The following SHTN1 variants were observed in gnomAD, a reference collection of about 807,000 sequenced individuals.
SHTN1 encodes the protein shootin-1.
Under a neutral mutation model 83.1 loss-of-function variants are expected in SHTN1, and 42 were observed. The ratio of observed to expected loss-of-function variants is 0.51; its 90% CI spans 0.39 to 0.65. The LOEUF is 0.65. Among genes scored for constraint, SHTN1 ranks in the 30% least tolerant of loss-of-function variants. The probability of loss-of-function intolerance (pLI) is 0.00; values close to 1 mark genes in which losing one functional copy is unlikely to be tolerated. For missense variants in SHTN1, 622 were observed against 737.8 expected, an observed-to-expected ratio of 0.84 and a Z score of 1.82; for synonymous variants, 224 against 247.7, an observed-to-expected ratio of 0.90 and a Z score of 0.90.
intron 7 of SHTN1, among the ~76,000 whole-genome samples, chr10:116,948,174 G>A (rs1308928548): frequency 6.6e-6 from 1 of 152,126 alleles, no homozygotes; most frequent in Non-Finnish European, 1.5e-5. Context: ...GTCTTAAACT[G>A]GGAGATACAT....
chr10:117,021,396 T>G (rs766023858), intron 2 of SHTN1, among the ~76,000 whole-genome samples: 1 of 152,106 alleles, frequency 6.6e-6, no homozygotes, highest in Non-Finnish European at 1.5e-5. Context: ...AAAGTGAGAC[T>G]TCATCTCGAA....
intron 1 of SHTN1, among the ~76,000 whole-genome samples, chr10:117,065,388 T>C (rs1852961701): frequency 6.6e-6 from 1 of 152,000 alleles, no homozygotes; most frequent in Non-Finnish European, 1.5e-5. Flanking sequence ...CACATCTCCC[T>C]AAGAAAAGAA....
chr10:116,922,168 C>A (rs1312012501), intron 11 of SHTN1, among the ~76,000 whole-genome samples: 1 of 151,978 alleles, frequency 6.6e-6, no homozygotes, highest in Non-Finnish European at 1.5e-5. Flanking sequence ...TGGAAGAGAA[C>A]CTTGCAACTC....
chr10:116,946,478 GT>G, intron 7 of SHTN1, among the ~76,000 whole-genome samples: 2 of 139,476 alleles, frequency 1.4e-5, no homozygotes, highest in Non-Finnish European at 3.1e-5. Flanking sequence ...TGTATAAAAT[GT>G]AAATATTTTA....
At chr10:116,987,407 GGATA>G (rs1164529357) in intron 1 of SHTN1, among the ~76,000 whole-genome samples, 2 of 152,110 alleles carry the variant, frequency 1.3e-5, no homozygotes, top group Non-Finnish European at 2.9e-5. Context: ...ATAGGTGAAT[GGATA>G]AATAAACTGT....
At chr10:117,044,409 T>C (rs1012197920) in intron 2 of SHTN1, among the ~76,000 whole-genome samples, 1 of 152,184 alleles carries the variant, frequency 6.6e-6, no homozygotes, top group African/African-American at 2.4e-5. Flanking sequence ...GAAAGCCTTA[T>C]AACTATTGGA....
chr10:116,970,901 CAG>C (rs1850594328), intron 2 of SHTN1, among the ~76,000 whole-genome samples: 2 of 151,760 alleles, frequency 1.3e-5, no homozygotes, highest in African/African-American at 2.4e-5. Context: ...TCTTAGGAAA[CAG>C]GGAGGGGAAT....
chr10:116,956,724 TCAAAAGG>T, intron 4 of SHTN1, among the ~76,000 whole-genome samples: 1 of 152,162 alleles, frequency 6.6e-6, no homozygotes, highest in Admixed American at 6.5e-5. Flanking sequence ...AGTTCTGCCC[TCAAAAGG>T]GTTTAATGCC....
At chr10:116,947,497 G>C in intron 7 of SHTN1, among the ~76,000 whole-genome samples, 1 of 152,204 alleles carries the variant, frequency 6.6e-6, no homozygotes, top group East Asian at 1.9e-4. Context: ...AATAAGTAAA[G>C]CAATAAGAGT....
At chr10:116,942,911 G>A (rs1442042666) in intron 8 of SHTN1, among the ~76,000 whole-genome samples, 4 of 152,168 alleles carry the variant, frequency 2.6e-5, no homozygotes, top group African/African-American at 9.7e-5. Flanking sequence ...GGACTCTGTT[G>A]TTAAACTAAG....
At chr10:117,020,568 GA>G (rs1478280038) in intron 2 of SHTN1, among the ~76,000 whole-genome samples, 3 of 149,464 alleles carry the variant, frequency 2.0e-5, no homozygotes, top group Non-Finnish European at 4.4e-5. Flanking sequence ...ATAATGGGGA[GA>G]AGAAAGTCAT....
At chr10:117,067,859 C>G (rs779345432) in intron 1 of SHTN1, among the ~76,000 whole-genome samples, 16 of 151,970 alleles carry the variant, frequency 1.1e-4, no homozygotes, top group Non-Finnish European at 1.9e-4. Flanking sequence ...ATGGAAATAT[C>G]AACAATAAAC....
intron 15 of SHTN1, among the ~76,000 whole-genome samples, chr10:116,902,786 G>C (rs1406591439): frequency 6.6e-6 from 1 of 152,234 alleles, no homozygotes; most frequent in Non-Finnish European, 1.5e-5. Flanking sequence ...GAAATAAAGT[G>C]AGAGGATAAC....
At position 117,108,840 on chromosome 10, in the gene SHTN1, C is replaced by T. The variant is rs147949621; in HGVS notation, c.-189+17467G>A. Among the ~76,000 whole-genome samples the T allele has an allele frequency of 1.4e-4, 22 of 152,242 alleles. No homozygotes were observed. In the East Asian group the frequency reaches 4.1e-3, roughly 28 times the overall value. ...AACAGAGAGGTGAAAAAAGTTTAGG[C>T]CTTTTATAGACCTGGGTACATATGC... On this transcript the variant is annotated intron_variant, in intron 1 of 17. Transcript: ENST00000392901.
intron 1 of SHTN1, among the ~76,000 whole-genome samples, chr10:117,092,490 C>A (rs975390181): frequency 6.6e-6 from 1 of 152,104 alleles, no homozygotes; most frequent in African/African-American, 2.4e-5. Context: ...AATGCAGACA[C>A]GGTATTTAAA....
At chr10:117,084,270 A>C (rs1455083330) in intron 1 of SHTN1, among the ~76,000 whole-genome samples, 5 of 151,802 alleles carry the variant, frequency 3.3e-5, no homozygotes, top group Admixed American at 1.3e-4. Flanking sequence ...AACAGACAGG[A>C]CCCTCAGCTG....
At chr10:117,106,112 A>G (rs1853665291) in intron 1 of SHTN1, among the ~76,000 whole-genome samples, 1 of 152,026 alleles carries the variant, frequency 6.6e-6, no homozygotes, top group South Asian at 2.1e-4. Context: ...TCCGTCTCAA[A>G]AAGAAAAAAG....
At chr10:117,098,856 A>G (rs1444520111) in intron 1 of SHTN1, among the ~76,000 whole-genome samples, 2 of 152,126 alleles carry the variant, frequency 1.3e-5, no homozygotes, top group Non-Finnish European at 2.9e-5. Flanking sequence ...TTAGAAACAG[A>G]CCAGCCCTGA....
intron 2 of SHTN1, among the ~76,000 whole-genome samples, chr10:117,039,244 G>T (rs1335343403): frequency 1.3e-5 from 2 of 152,204 alleles, no homozygotes; most frequent in Non-Finnish European, 2.9e-5. Flanking sequence ...AATCTGAAAA[G>T]ACTTACTTAC....
Sources: allele counts gnomAD v4.1 joint callset (sites outside exome capture counted in the v4.1 genomes callset), GRCh38; gene constraint gnomAD v4.1.1; transcripts MANE v1.5; gene names NCBI Gene and HGNC (gene_info 2026-07-23, HGNC 2026-07-21).